LMBRD1: variants seen among roughly 807,000 people sequenced by gnomAD.
LMBRD1 encodes lysosomal cobalamin transport escort protein LMBD1.
Under a neutral mutation model 74.8 loss-of-function variants are expected in LMBRD1, and 64 were observed. The observed-to-expected ratio is 0.86, with a 90% CI of 0.70 to 1.05. The LOEUF (loss-of-function observed/expected upper bound fraction) is 1.05, where lower values mean the gene tolerates loss of function less well. Among genes scored for constraint, LMBRD1 ranks in the 50% least tolerant of loss-of-function variants. The probability of loss-of-function intolerance (pLI) is 0.00; values close to 1 mark genes in which losing one functional copy is unlikely to be tolerated. For missense variants in LMBRD1, 652 were observed against 645.9 expected (o/e 1.01, Z -0.10); for synonymous variants, 204 against 216.3 (o/e 0.94, Z 0.50).
At chr6:69,776,926 C>T (rs187444711) in intron 3 of LMBRD1, among the ~76,000 whole-genome samples, 18 of 152,028 alleles carry the variant, frequency 1.2e-4, no homozygotes, top group Admixed American at 2.0e-4. Context: ...ACGGGCAGAT[C>T]GCTTGAGGTC....
In LMBRD1 at chr6:69,796,934, G is replaced by A; in HGVS notation, c.-53C>T. The A allele has an allele frequency of 3.3e-6, 5 of 1,506,204 alleles. No homozygotes were observed. The highest frequency in any genetic ancestry group is 2.3e-5 in the East Asian group (1 of 43,740). The allele number at this position is 1,506,204 out of a possible 1,614,324, so 93.3% of individuals were successfully genotyped here. ...GCGCCCGGGGTGGGGAAAGGGGAGG[G>A]GGAAAGGGGAGAGAGCGCGAGATAT... On this transcript the variant is annotated 5_prime_UTR_variant, in exon 1 of 16. Transcript: ENST00000649934.
intron 7 of LMBRD1, among the ~76,000 whole-genome samples, chr6:69,731,816 AT>A (rs1313647798): frequency 1.3e-5 from 2 of 151,888 alleles, no homozygotes; most frequent in Non-Finnish European, 2.9e-5. Context: ...GTCAAAAACC[AT>A]CTGTGTCGTA....
chr6:69,766,718 G>T (rs1765480998), intron 3 of LMBRD1, among the ~76,000 whole-genome samples: 1 of 151,316 alleles, frequency 6.6e-6, no homozygotes, highest in South Asian at 2.1e-4. Context: ...TAAAGGATTG[G>T]TATAATTTCT....
chr6:69,766,191 C>G (rs1370095037), intron 3 of LMBRD1, among the ~76,000 whole-genome samples: 1 of 151,782 alleles, frequency 6.6e-6, no homozygotes, highest in African/African-American at 2.4e-5. Flanking sequence ...GCTAGAATCA[C>G]TAGTACAATG....
At chr6:69,774,990 G>C (rs1250682618) in intron 3 of LMBRD1, among the ~76,000 whole-genome samples, 11 of 42,386 alleles carry the variant, frequency 2.6e-4, no homozygotes, top group Non-Finnish European at 4.7e-4. Flanking sequence ...AGGAAGGAAG[G>C]GAGGGAGGGA....
intron 3 of LMBRD1, 117 bp from the exon 4 acceptor site, chr6:69,752,473 TTCTCA>T: frequency 1.2e-6 from 1 of 814,218 alleles, no homozygotes; most frequent in South Asian, 1.6e-5. Context: ...TGATTCCCTC[TTCTCA>T]TAACTCTTTC....
intron 1 of LMBRD1, among the ~76,000 whole-genome samples, chr6:69,793,242 C>A (rs1053606468): frequency 1.3e-5 from 2 of 152,186 alleles, no homozygotes; most frequent in Non-Finnish European, 2.9e-5. Flanking sequence ...TTGGTCTGAA[C>A]ACTGAGATTT....
At chr6:69,708,327 T>A (rs559212386) in intron 9 of LMBRD1, among the ~76,000 whole-genome samples, 19 of 152,320 alleles carry the variant, frequency 1.2e-4, no homozygotes, top group Admixed American at 3.9e-4. Context: ...CATGGTAGGA[T>A]TTAAGAACTT....
intron 14 of LMBRD1, among the ~76,000 whole-genome samples, chr6:69,692,347 AAAATC>A (rs1562085975): frequency 6.6e-6 from 1 of 152,164 alleles, no homozygotes. Flanking sequence ...TAAAACCACA[AAAATC>A]AACTTTGATT....
At chr6:69,710,184 C>A (rs1489308357) in intron 9 of LMBRD1, among the ~76,000 whole-genome samples, 1 of 151,792 alleles carries the variant, frequency 6.6e-6, no homozygotes, top group African/African-American at 2.4e-5. Flanking sequence ...AATGGAGATT[C>A]CAGAAATAGA....
chr6:69,754,180 A>G lies in LMBRD1; in HGVS notation c.308-1824T>C, dbSNP rs140144316. Among the ~76,000 whole-genome samples the G allele has an allele frequency of 6.2e-3, 951 of 152,294 alleles. 14 individuals are homozygous for G. The highest frequency in any genetic ancestry group is 0.02 in the African/African-American group (813 of 41,574). The stretch of plus-strand genomic sequence containing the variant: ...GTTACTGTTAATAAGGTATAGTTCA[A>G]TTTTATAAGATGGAAAGTGTTATGG... On this transcript the variant is annotated intron_variant, in intron 3 of 15. Transcript: ENST00000649934.
At chr6:69,769,155 T>C (rs1390055485) in intron 3 of LMBRD1, among the ~76,000 whole-genome samples, 1 of 152,236 alleles carries the variant, frequency 6.6e-6, no homozygotes, top group East Asian at 1.9e-4. Context: ...ATAGGTAAAC[T>C]TGATGCTGAC....
intron 3 of LMBRD1, among the ~76,000 whole-genome samples, chr6:69,774,206 A>G (rs1297721433): frequency 6.6e-6 from 1 of 152,144 alleles, no homozygotes; most frequent in Non-Finnish European, 1.5e-5. Context: ...CATAAAGGGG[A>G]GTTCCCCTGC....
At chr6:69,774,625 A>T (rs1272420549) in intron 3 of LMBRD1, among the ~76,000 whole-genome samples, 6 of 152,188 alleles carry the variant, frequency 3.9e-5, no homozygotes. Context: ...AAATAAAAAC[A>T]AATTAGATAA....
chr6:69,695,251 G>GA (rs879771931), intron 14 of LMBRD1, among the ~76,000 whole-genome samples: 12 of 143,818 alleles, frequency 8.3e-5, no homozygotes, highest in East Asian at 6.0e-4. Flanking sequence ...CTAACTAAAA[G>GA]AAAAAAAAAA....
intron 3 of LMBRD1, among the ~76,000 whole-genome samples, chr6:69,776,035 G>C (rs1348628079): frequency 6.6e-6 from 1 of 152,146 alleles, no homozygotes; most frequent in African/African-American, 2.4e-5. Context: ...TTTCTGATAA[G>C]AATAATGGCA....
At chr6:69,704,657 T>C (rs1481486547) in intron 9 of LMBRD1, among the ~76,000 whole-genome samples, 1 of 120,968 alleles carries the variant, frequency 8.3e-6, no homozygotes, top group Non-Finnish European at 1.8e-5. Flanking sequence ...TTAATGAAGT[T>C]AGGTAGTGGT....
At chr6:69,774,075 T>C (rs1025946846) in intron 3 of LMBRD1, among the ~76,000 whole-genome samples, 8 of 152,164 alleles carry the variant, frequency 5.3e-5, no homozygotes, top group Non-Finnish European at 1.0e-4. Context: ...TCATCTTGAA[T>C]TGTAATAATC....
In LMBRD1 at chr6:69,780,143, C is replaced by T. The variant is rs1175600455; in HGVS notation, c.307+351G>A. On this transcript the variant is annotated intron_variant, in intron 3 of 15. Transcript: ENST00000649934. The stretch of plus-strand genomic sequence containing the variant: ...TTTTTTTTTTTTTTTTTTTTTTTAA[C>T]AGGCTATGTGGATGACATGCCTGGT... Among the ~76,000 whole-genome samples the T allele has an allele frequency of 1.6e-4, 19 of 120,714 alleles. 1 individual carries two copies. The South Asian group carries it at 3.0e-3, about 19-fold the overall frequency. The allele number at this position is 120,714 out of a possible 152,430, so 79.2% of individuals were successfully genotyped here.
Sources: allele counts gnomAD v4.1 joint callset (sites outside exome capture counted in the v4.1 genomes callset), GRCh38; gene constraint gnomAD v4.1.1; transcripts MANE v1.5; gene names NCBI Gene and HGNC (gene_info 2026-07-23, HGNC 2026-07-21).